Variants in IL10RB observed in about 807,000 individuals in gnomAD.
IL10RB encodes interleukin-10 receptor subunit beta.
A neutral mutation model predicts 38.7 loss-of-function variants in IL10RB; 30 were observed. The observed-to-expected ratio is 0.78, with a 90% CI of 0.58 to 1.05. The LOEUF (loss-of-function observed/expected upper bound fraction) is 1.05. Among genes scored for constraint, IL10RB ranks in the 50% least tolerant of loss-of-function variants. The pLI, the probability that IL10RB is intolerant of heterozygous loss-of-function variation, is 0.00. For missense variants in IL10RB, 328 were observed against 397.1 expected (o/e 0.83, Z 1.48); for synonymous variants, 142 against 145.9 (o/e 0.97, Z 0.19).
rs2082971059 is a variant in IL10RB at position 33,297,122 on chromosome 21, C to A, written c.*765C>A. The A allele has an allele frequency of 6.4e-6, 1 of 155,056 alleles. No homozygotes were observed. The highest frequency in any genetic ancestry group is 6.3e-5 in the Admixed American group (1 of 15,832). 9.6% of individuals were successfully genotyped at this position (155,056 alleles called of 1,614,324 possible). ...AGCTCAATGCTACACAGAGCACGGA[C>A]TTTTGGATTCTTTGCAGTACTTTGA... On this transcript the variant is annotated 3_prime_UTR_variant, in exon 7 of 7. Transcript: ENST00000290200.
rs1450187718 is a variant in IL10RB at position 33,279,631 on chromosome 21, C to CA, written c.332-119dup. On this transcript the variant is annotated intron_variant, in intron 3 of 6. Transcript: ENST00000290200. ...TTAGCCATGTCAATCAATGTCATGA[C>CA]AATAGTATATCAAAGCAGTGTACTT... 4.2e-5 allele frequency: 35 copies of CA among 838,186 alleles called. No individual in the cohort carries two copies. In the Admixed American group the frequency reaches 6.2e-4, roughly 15 times the overall value. 51.9% of individuals were successfully genotyped at this position (838,186 alleles called of 1,614,324 possible). A position where few individuals can be genotyped will look rare whatever the true frequency, so the allele number is the denominator to read the frequency against.
chr21:33,275,308 A>G (rs1362194125), intron 2 of IL10RB, among the ~76,000 whole-genome samples: 3 of 152,006 alleles, frequency 2.0e-5, no homozygotes. Context: ...GGTGCATGCC[A>G]CCATGCCCGG....
chr21:33,269,238 C>T (rs996292464), intron 2 of IL10RB, among the ~76,000 whole-genome samples: 14 of 152,226 alleles, frequency 9.2e-5, no homozygotes, highest in African/African-American at 2.7e-4. Context: ...TGTTTCCCTA[C>T]GCCTGGTGAA....
chr21:33,272,137 C>T (rs1166174012), intron 2 of IL10RB, among the ~76,000 whole-genome samples: 1 of 152,154 alleles, frequency 6.6e-6, no homozygotes. Context: ...GAAAAAATAG[C>T]ATGATCCCAA....
At position 33,296,174 on chromosome 21, in the gene IL10RB, C is replaced by T; in HGVS notation, c.805-10C>T. 6.2e-7 allele frequency: 1 copy of T among 1,608,826 alleles called. No homozygotes were observed. Reference sequence around the variant, plus strand: ...AAATTGATCATTAACTGTCCTCTTTCCCTCCACAGTTTTTGGGCCATCCTC... The same window carrying T: ...AAATTGATCATTAACTGTCCTCTTTTCCTCCACAGTTTTTGGGCCATCCTC... On this transcript the variant is annotated splice_polypyrimidine_tract_variant and intron_variant, in intron 6 of 6. Transcript: ENST00000290200.
chr21:33,300,257 T>C (rs375199454), downstream of IL10RB, among the ~76,000 whole-genome samples: 1 of 152,066 alleles, frequency 6.6e-6, no homozygotes, highest in African/African-American at 2.4e-5. Context: ...CTGGTTAACA[T>C]GGTGATACCC....
At chr21:33,294,504 G>T (rs1041025859) in intron 6 of IL10RB, among the ~76,000 whole-genome samples, 14 of 152,108 alleles carry the variant, frequency 9.2e-5, no homozygotes, top group African/African-American at 2.9e-4. Context: ...ATCCAGAGTA[G>T]CTTCCAGTCC....
At chr21:33,291,707 C>G (rs571687624) in intron 6 of IL10RB, among the ~76,000 whole-genome samples, 51 of 152,316 alleles carry the variant, frequency 3.3e-4, no homozygotes, top group Non-Finnish European at 6.5e-4. Context: ...AAGGTTAGCT[C>G]CAGCCAGGAT....
chr21:33,296,209 C>G lies in IL10RB; in HGVS notation c.830C>G (p.Thr277Arg), dbSNP rs756566292. Residue 277 changes from threonine (T) to arginine (R), a missense_variant, in exon 7 of 7, where the codon ACA (threonine) becomes AGA (arginine). By Grantham distance (71) the Thr-to-Arg change is moderately conservative (BLOSUM62 -1). Transcript: ENST00000290200. ...KEFLGHPHHNTLLFFSFPLSD... is the reference protein window; with the variant it reads ...KEFLGHPHHNRLLFFSFPLSD... Reference sequence around the variant, plus strand: ...TTTTTGGGCCATCCTCATCATAACACACTTCTGTTTTTCTCCTTTCCATTG... The same window carrying G: ...TTTTTGGGCCATCCTCATCATAACAGACTTCTGTTTTTCTCCTTTCCATTG... 1 of 1,614,020 alleles carries G rather than the reference C, an allele frequency of 6.2e-7. No individual in the cohort carries two copies. The highest frequency in any genetic ancestry group is 1.1e-5 in the South Asian group (1 of 91,092).
intron 2 of IL10RB, 118 bp from the exon 3 acceptor site, chr21:33,276,478 C>A (rs2123573402): frequency 1.3e-6 from 1 of 787,654 alleles, no homozygotes; most frequent in East Asian, 2.5e-5. Flanking sequence ...ACACGTATTT[C>A]TATGTTTAAC....
At chr21:33,272,149 G>T (rs1989093690) in intron 2 of IL10RB, among the ~76,000 whole-genome samples, 1 of 152,158 alleles carries the variant, frequency 6.6e-6, no homozygotes, top group African/African-American at 2.4e-5. Flanking sequence ...TGATCCCAAT[G>T]ATCTCTATCT....
At chr21:33,275,350 G>A (rs1163829105) in intron 2 of IL10RB, among the ~76,000 whole-genome samples, 1 of 151,928 alleles carries the variant, frequency 6.6e-6, no homozygotes, top group Non-Finnish European at 1.5e-5. Context: ...TAGAGGTGGG[G>A]TTTCACCATG....
intron 2 of IL10RB, among the ~76,000 whole-genome samples, chr21:33,275,780 A>G (rs1989159240): frequency 6.6e-6 from 1 of 152,256 alleles, no homozygotes; most frequent in Non-Finnish European, 1.5e-5. Flanking sequence ...CTTTTGGAAT[A>G]GGGATGCCCG....
At chr21:33,267,502 G>GTTTGTT (rs1477718652) in intron 1 of IL10RB, among the ~76,000 whole-genome samples, 62 of 102,706 alleles carry the variant, frequency 6.0e-4, no homozygotes, top group African/African-American at 2.3e-3. Flanking sequence ...TTGTTTGTTT[G>GTTTGTT]TTTTTTTGTT....
chr21:33,268,766 C>T (rs908291246), intron 2 of IL10RB, among the ~76,000 whole-genome samples: 5 of 152,190 alleles, frequency 3.3e-5, no homozygotes, highest in African/African-American at 1.2e-4. Context: ...CAGATACAGA[C>T]ATTTTATCAT....
At chr21:33,278,331 C>A (rs897808133) in intron 3 of IL10RB, among the ~76,000 whole-genome samples, 1 of 152,154 alleles carries the variant, frequency 6.6e-6, no homozygotes, top group Non-Finnish European at 1.5e-5. Flanking sequence ...GCTAGGATGC[C>A]TTTCTTCCCT....
At chr21:33,271,100 C>T (rs939554189) in intron 2 of IL10RB, among the ~76,000 whole-genome samples, 2 of 152,200 alleles carry the variant, frequency 1.3e-5, no homozygotes, top group Non-Finnish European at 2.9e-5. Flanking sequence ...TTCCAGGTCT[C>T]CCCCGCGTGG....
chr21:33,272,550 G>A (rs189301153), intron 2 of IL10RB, among the ~76,000 whole-genome samples: 50 of 152,290 alleles, frequency 3.3e-4, no homozygotes, highest in African/African-American at 1.2e-3. Context: ...AGGCTCAAGC[G>A]AGCTTCCCTC....
intron 6 of IL10RB, 128 bp downstream of exon 6, chr21:33,288,389 A>C: frequency 4.3e-6 from 3 of 698,038 alleles, no homozygotes; most frequent in Non-Finnish European, 7.8e-6. Flanking sequence ...GCGCACACAC[A>C]CACACACACA....
Sources: gnomAD v4.1 joint callset for allele counts (sites outside exome capture counted in the v4.1 genomes callset) on GRCh38, gnomAD v4.1.1 for gene constraint, MANE v1.5 for transcripts, NCBI Gene and HGNC (gene_info 2026-07-23, HGNC 2026-07-21) for gene names.